The following SUCLG2 variants were observed in gnomAD, a reference collection of about 807,000 sequenced individuals.
SUCLG2 encodes the protein succinate--CoA ligase [GDP-forming] subunit beta, mitochondrial.
SUCLG2 carries 42 observed loss-of-function variants against 47.9 expected under a neutral mutation model. That is an observed-to-expected ratio of 0.88 (90% confidence interval 0.69 to 1.14). The LOEUF is 1.14. Among genes scored for constraint, SUCLG2 ranks in the 50% most tolerant of loss-of-function variants. The pLI is 0.00. For missense variants in SUCLG2, 571 were observed against 525.9 expected, an observed-to-expected ratio of 1.09 and a Z score of -0.84; for synonymous variants, 195 against 197.3, an observed-to-expected ratio of 0.99 and a Z score of 0.10.
chr3:67,524,280 T>C (rs546407385), intron 4 of SUCLG2, among the ~76,000 whole-genome samples: 67 of 152,352 alleles, frequency 4.4e-4, no homozygotes, highest in African/African-American at 1.5e-3. Flanking sequence ...TCCACCAGTA[T>C]AGAAAGCTTT....
intron 9 of SUCLG2, among the ~76,000 whole-genome samples, chr3:67,469,511 C>CCT (rs1704551902): frequency 1.3e-5 from 2 of 151,070 alleles, no homozygotes; most frequent in Non-Finnish European, 1.5e-5. Flanking sequence ...AGGTGGATCA[C>CCT]GAGGTCAGGA....
At chr3:67,544,453 C>T (rs759450532) in intron 2 of SUCLG2, among the ~76,000 whole-genome samples, 10 of 152,146 alleles carry the variant, frequency 6.6e-5, no homozygotes, top group Admixed American at 2.0e-4. Context: ...CTCTTTCTCT[C>T]CTCCCAGCTT....
intron 9 of SUCLG2, among the ~76,000 whole-genome samples, chr3:67,477,877 G>C (rs990812117): frequency 6.6e-6 from 1 of 152,110 alleles, no homozygotes; most frequent in Non-Finnish European, 1.5e-5. Context: ...CTGATCTACA[G>C]TGAAAAAATA....
intron 10 of SUCLG2, among the ~76,000 whole-genome samples, chr3:67,382,425 G>A (rs1273241227): frequency 2.0e-5 from 3 of 152,198 alleles, no homozygotes; most frequent in African/African-American, 7.2e-5. Context: ...GAGGCCCAGA[G>A]ATGTCAGACA....
intron 2 of SUCLG2, among the ~76,000 whole-genome samples, chr3:67,585,123 T>C (rs539863851): frequency 3.9e-5 from 6 of 152,316 alleles, no homozygotes; most frequent in South Asian, 4.1e-4. Context: ...AATAAAACCA[T>C]TGCAAAAGCC....
chr3:67,511,666 G>T (rs568483314), intron 6 of SUCLG2, among the ~76,000 whole-genome samples: 1 of 152,126 alleles, frequency 6.6e-6, no homozygotes, highest in East Asian at 1.9e-4. Flanking sequence ...TATTATCAGC[G>T]TGAGAACAGA....
chr3:67,539,988 A>G (rs1706657198), intron 2 of SUCLG2, among the ~76,000 whole-genome samples: 1 of 150,552 alleles, frequency 6.6e-6, no homozygotes, highest in Non-Finnish European at 1.5e-5. Flanking sequence ...CTATTTTGTT[A>G]GCCTTTTCAA....
At chr3:67,432,473 C>A (rs1387448300) in intron 9 of SUCLG2, among the ~76,000 whole-genome samples, 1 of 152,202 alleles carries the variant, frequency 6.6e-6, no homozygotes, top group Non-Finnish European at 1.5e-5. Flanking sequence ...TTTCTGTGGT[C>A]AACTATAAAC....
At chr3:67,534,010 C>G (rs1455168044) in intron 2 of SUCLG2, among the ~76,000 whole-genome samples, 4 of 152,116 alleles carry the variant, frequency 2.6e-5, no homozygotes, top group African/African-American at 9.7e-5. Context: ...AGATACATGG[C>G]TCTCCAGTAG....
At chr3:67,554,340 T>C (rs979902642) in intron 2 of SUCLG2, among the ~76,000 whole-genome samples, 2 of 152,226 alleles carry the variant, frequency 1.3e-5, no homozygotes, top group Admixed American at 1.3e-4. Flanking sequence ...GTTGTTGTTG[T>C]TGTTAGGAAT....
chr3:67,637,699 G>C (rs776403104), intron 1 of SUCLG2, among the ~76,000 whole-genome samples: 1 of 152,206 alleles, frequency 6.6e-6, no homozygotes, highest in African/African-American at 2.4e-5. Context: ...GGTGGTTGAC[G>C]TTTCCGTAAG....
chr3:67,615,799 G>A (rs1452939524), intron 1 of SUCLG2, among the ~76,000 whole-genome samples: 1 of 152,104 alleles, frequency 6.6e-6, no homozygotes, highest in Non-Finnish European at 1.5e-5. Flanking sequence ...GACCTGGAAA[G>A]TCTACTTCCT....
chr3:67,449,290 G>A (rs1438697947), intron 9 of SUCLG2, among the ~76,000 whole-genome samples: 2 of 152,204 alleles, frequency 1.3e-5, no homozygotes, highest in Non-Finnish European at 2.9e-5. Context: ...GAAAGCCTAT[G>A]AGCTTTATCT....
chr3:67,585,952 G>T (rs899353210), intron 2 of SUCLG2, among the ~76,000 whole-genome samples: 2 of 110,186 alleles, frequency 1.8e-5, no homozygotes, highest in Non-Finnish European at 3.4e-5. Flanking sequence ...GGGCAAAAGA[G>T]CAAGACTCCA....
At chr3:67,430,041 C>T (rs1361052852) in intron 9 of SUCLG2, among the ~76,000 whole-genome samples, 4 of 152,068 alleles carry the variant, frequency 2.6e-5, no homozygotes, top group African/African-American at 4.8e-5. Flanking sequence ...GACAGATCAA[C>T]GAGAGGGAAA....
intron 10 of SUCLG2, among the ~76,000 whole-genome samples, chr3:67,392,969 T>C (rs1702425989): frequency 6.6e-6 from 1 of 151,920 alleles, no homozygotes; most frequent in South Asian, 2.1e-4. Flanking sequence ...CATGCATCAC[T>C]ACACCTGAGA....
intron 10 of SUCLG2, among the ~76,000 whole-genome samples, chr3:67,369,148 C>T (rs1446980794): frequency 3.3e-5 from 5 of 151,984 alleles, no homozygotes; most frequent in Admixed American, 1.3e-4. Context: ...CCCTTTTCTT[C>T]TTTTTCTGTT....
intron 2 of SUCLG2, among the ~76,000 whole-genome samples, chr3:67,581,020 C>G (rs2107257578): frequency 6.6e-6 from 1 of 152,306 alleles, no homozygotes; most frequent in Non-Finnish European, 1.5e-5. Context: ...ATCAAGGATC[C>G]TCCCTCTCTG....
At chr3:67,635,140 T>G (rs931102149) in intron 1 of SUCLG2, among the ~76,000 whole-genome samples, 2 of 152,208 alleles carry the variant, frequency 1.3e-5, no homozygotes, top group African/African-American at 4.8e-5. Flanking sequence ...CAAAACAACA[T>G]GAAGTGACCT....
Sources: gnomAD v4.1 joint callset for allele counts (sites outside exome capture counted in the v4.1 genomes callset) on GRCh38, gnomAD v4.1.1 for gene constraint, MANE v1.5 for transcripts, NCBI Gene and HGNC (gene_info 2026-07-23, HGNC 2026-07-21) for gene names.